Variants in STAG3 observed in about 807,000 individuals in gnomAD.
The protein encoded by STAG3 is STAG3 cohesin complex component.
STAG3 carries 101 observed loss-of-function variants against 160.7 expected under a neutral mutation model. The ratio of observed to expected loss-of-function variants is 0.63; its 90% confidence interval spans 0.54 to 0.74. The LOEUF (loss-of-function observed/expected upper bound fraction) is 0.74, where lower values mean the gene tolerates loss of function less well. Among genes scored for constraint, STAG3 ranks in the 30% least tolerant of loss-of-function variants. The pLI, the probability that STAG3 is intolerant of heterozygous loss-of-function variation, is 0.00. For missense variants in STAG3, 1,188 were observed against 1,517.4 expected (o/e 0.78, Z 3.61); for synonymous variants, 519 against 585.0 (o/e 0.89, Z 1.63).
intron 9 of STAG3, among the ~76,000 whole-genome samples, chr7:100,195,750 C>G (rs1800645315): frequency 6.6e-6 from 1 of 152,204 alleles, no homozygotes; most frequent in Non-Finnish European, 1.5e-5. Flanking sequence ...CCTGGTGAGC[C>G]TTCTCCTGGC....
chr7:100,214,540 G>A (rs944226347), downstream of STAG3, among the ~76,000 whole-genome samples: 3 of 152,052 alleles, frequency 2.0e-5, no homozygotes, highest in African/African-American at 7.2e-5. Flanking sequence ...GAGGTGGGGT[G>A]AGGCAGTAGA....
At chr7:100,199,880 C>G (rs1325446934) in intron 16 of STAG3, among the ~76,000 whole-genome samples, 1 of 146,736 alleles carries the variant, frequency 6.8e-6, no homozygotes, top group Non-Finnish European at 1.5e-5. Flanking sequence ...ACAGTGAAAC[C>G]CTGTCTCTAC....
At chr7:100,186,168 A>G in intron 4 of STAG3, 32 bp from the exon 5 acceptor site, 1 of 1,552,692 alleles carries the variant, frequency 6.4e-7, no homozygotes, top group South Asian at 1.1e-5. Flanking sequence ...ATATTGCCAG[A>G]AACAGAAGTC....
chr7:100,196,446 A>C (rs943624097), intron 9 of STAG3, among the ~76,000 whole-genome samples: 13 of 151,886 alleles, frequency 8.6e-5, no homozygotes, highest in African/African-American at 3.1e-4. Flanking sequence ...ATGCTTGGCT[A>C]ATTTTTGGCC....
chr7:100,188,751 C>T, intron 6 of STAG3, 61 bp from the exon 7 acceptor site: 1 of 1,538,166 alleles, frequency 6.5e-7, no homozygotes, highest in African/African-American at 1.4e-5. Flanking sequence ...GACATCCAAG[C>T]CCCTATGACT....
intron 11 of STAG3, 39 bp from the exon 12 acceptor site, chr7:100,198,048 G>C (rs1157016287): frequency 2.5e-6 from 4 of 1,601,192 alleles, no homozygotes; most frequent in African/African-American, 2.7e-5. Flanking sequence ...GTTTGGAATG[G>C]GTGTAATGAG....
chr7:100,214,725 T>C (rs1802615494), downstream of STAG3, among the ~76,000 whole-genome samples: 1 of 152,180 alleles, frequency 6.6e-6, no homozygotes, highest in Admixed American at 6.5e-5. Context: ...ACGGGTTCTT[T>C]CCAAAGGAAA....
intron 17 of STAG3, 35 bp downstream of exon 17, chr7:100,200,363 A>G: frequency 6.2e-7 from 1 of 1,613,146 alleles, no homozygotes; most frequent in African/African-American, 1.3e-5. Context: ...TCACACCAAG[A>G]GAAGTGAAAG....
At chr7:100,187,977 C>T (rs1336081753) in intron 5 of STAG3, among the ~76,000 whole-genome samples, 3 of 152,068 alleles carry the variant, frequency 2.0e-5, no homozygotes, top group Non-Finnish European at 4.4e-5. Flanking sequence ...AGGCTGGTCT[C>T]GAATTCCTGA....
chr7:100,187,981 T>C (rs1395755300), intron 5 of STAG3, among the ~76,000 whole-genome samples: 1 of 152,012 alleles, frequency 6.6e-6, no homozygotes, highest in Non-Finnish European at 1.5e-5. Context: ...TGGTCTCGAA[T>C]TCCTGACCTT....
At position 100,200,480 on chromosome 7, in the gene STAG3, C is replaced by T. The variant is rs769780322; in HGVS notation, c.1798C>T (p.Pro600Ser). The change falls in exon 18 of 34, where the codon CCC becomes TCC. Residue 600 changes from proline (P) to serine (S), a missense_variant. This residue lies in a region of STAG3 where 240 missense variants were observed against 358.1 expected (regional missense o/e 0.67). Coordinates refer to ENST00000615138, the MANE Select transcript of STAG3 (RefSeq NM_001282717.2). ...KFSADAEKVT[P>S]LLQLLSCFDL... ...CTCAGCTGATGCAGAGAAGGTCACT[C>T]CCCTGCTCCAGCTTCTCAGCTGCTT... The T allele has an allele frequency of 6.2e-7, 1 of 1,614,152 alleles. No individual in the cohort carries two copies. The highest frequency in any genetic ancestry group is 8.5e-7 in the Non-Finnish European group (1 of 1,180,036).
At chr7:100,187,832 C>T (rs1416437242) in intron 5 of STAG3, among the ~76,000 whole-genome samples, 1 of 150,458 alleles carries the variant, frequency 6.6e-6, no homozygotes, top group African/African-American at 2.5e-5. Context: ...TCTCAGCTTA[C>T]TGCAACCTCC....
intron 4 of STAG3, among the ~76,000 whole-genome samples, chr7:100,183,997 G>T (rs1355597493): frequency 6.6e-6 from 1 of 152,212 alleles, no homozygotes; most frequent in Non-Finnish European, 1.5e-5. Context: ...CGGGCACAGT[G>T]GCTCACACCT....
At chr7:100,190,764 A>C (rs1322488718) in intron 8 of STAG3, among the ~76,000 whole-genome samples, 1 of 152,044 alleles carries the variant, frequency 6.6e-6, no homozygotes, top group Non-Finnish European at 1.5e-5. Flanking sequence ...CTTAATGTCC[A>C]ACTAACTGAA....
chr7:100,192,242 C>T (rs1213319851), intron 8 of STAG3, among the ~76,000 whole-genome samples: 1 of 152,122 alleles, frequency 6.6e-6, no homozygotes, highest in African/African-American at 2.4e-5. Context: ...TGGTGAATCC[C>T]GGCCAGGCAC....
chr7:100,187,629 C>T (rs1800104962), intron 5 of STAG3, among the ~76,000 whole-genome samples: 1 of 152,186 alleles, frequency 6.6e-6, no homozygotes. Context: ...TGGGCACAAG[C>T]ATGCTTCTCA....
intron 5 of STAG3, among the ~76,000 whole-genome samples, chr7:100,187,564 G>T (rs1296852812): frequency 6.6e-6 from 1 of 152,138 alleles, no homozygotes; most frequent in Admixed American, 6.6e-5. Flanking sequence ...GTGCAGCCTG[G>T]CCCTTCATTT....
At chr7:100,201,472 C>A in intron 21 of STAG3, 121 bp downstream of exon 21, 1 of 851,472 alleles carries the variant, frequency 1.2e-6, no homozygotes, top group Non-Finnish European at 1.9e-6. Flanking sequence ...CGAGGAAGAT[C>A]AGGTGGGTGG....
chr7:100,203,461 G>A (rs971012795), intron 25 of STAG3, among the ~76,000 whole-genome samples: 2 of 151,076 alleles, frequency 1.3e-5, no homozygotes, highest in African/African-American at 2.4e-5. Flanking sequence ...GATTATAGGC[G>A]TGAGCCACCA....
Sources: allele counts gnomAD v4.1 joint callset (sites outside exome capture counted in the v4.1 genomes callset), GRCh38; gene constraint gnomAD v4.1.1; regional missense constraint gnomAD v4.1.1; transcripts MANE v1.5; gene names NCBI Gene and HGNC (gene_info 2026-07-23, HGNC 2026-07-21).